The following REDIC1 variants were observed in gnomAD, a reference collection of about 807,000 sequenced individuals.
REDIC1 encodes the protein regulator of DNA class I crossover intermediates 1, also known as HEI10 Interacting Protein 1.
the REDIC1 span, among the ~76,000 whole-genome samples, chr12:39,903,202 C>T: frequency 9.2e-5 from 14 of 152,240 alleles, no homozygotes; most frequent in Non-Finnish European, 1.9e-4. Flanking sequence ...AATATTACAT[C>T]TATCCTATGA....
At chr12:39,662,693 C>T in the REDIC1 span, among the ~76,000 whole-genome samples, 1 of 151,976 alleles carries the variant, frequency 6.6e-6, no homozygotes, top group African/African-American at 2.4e-5. Context: ...GAAAGAGCAT[C>T]TTTGTCTTGT....
At chr12:39,730,950 T>C in the REDIC1 span, among the ~76,000 whole-genome samples, 1 of 152,132 alleles carries the variant, frequency 6.6e-6, no homozygotes, top group Non-Finnish European at 1.5e-5. Context: ...GATTTGGCTA[T>C]TGATACTTGT....
chr12:39,769,807 T>A, the REDIC1 span, among the ~76,000 whole-genome samples: 1 of 152,060 alleles, frequency 6.6e-6, no homozygotes, highest in East Asian at 1.9e-4. Flanking sequence ...CAGAAGTTTA[T>A]ACTCACGAGC....
chr12:39,712,825 A>G, the REDIC1 span, among the ~76,000 whole-genome samples: 2 of 139,456 alleles, frequency 1.4e-5, no homozygotes, highest in African/African-American at 2.6e-5. Flanking sequence ...ACATGTGTGT[A>G]TGTATATACA....
the REDIC1 span, among the ~76,000 whole-genome samples, chr12:39,717,018 G>A: frequency 2.0e-5 from 3 of 151,590 alleles, no homozygotes; most frequent in African/African-American, 7.3e-5. Context: ...AAAGAAAAAT[G>A]TAAATAAAAA....
chr12:39,799,535 G>A, the REDIC1 span, among the ~76,000 whole-genome samples: 2 of 151,740 alleles, frequency 1.3e-5, no homozygotes, highest in South Asian at 4.2e-4. Context: ...TGGCAGAGTA[G>A]AGTAAATCAA....
chr12:39,721,005 C>G, the REDIC1 span: 3 of 1,613,672 alleles, frequency 1.9e-6, no homozygotes, highest in Non-Finnish European at 2.5e-6. Flanking sequence ...AGTTGCAGTG[C>G]AATTCAGCCC....
chr12:39,879,666 G>A, the REDIC1 span, among the ~76,000 whole-genome samples: 2 of 152,148 alleles, frequency 1.3e-5, no homozygotes, highest in Non-Finnish European at 2.9e-5. Flanking sequence ...TACCCCCAGT[G>A]TATCTTGGAA....
the REDIC1 span, among the ~76,000 whole-genome samples, chr12:39,885,140 GC>G: frequency 6.6e-6 from 1 of 152,338 alleles, no homozygotes; most frequent in Admixed American, 6.5e-5. Context: ...TCTGTGCACT[GC>G]AGCTCATGAG....
At chr12:39,642,056 A>G in the REDIC1 span, among the ~76,000 whole-genome samples, 2 of 151,708 alleles carry the variant, frequency 1.3e-5, no homozygotes, top group African/African-American at 4.8e-5. Flanking sequence ...GTTCCTTTTT[A>G]ATGACTGTTT....
the REDIC1 span, among the ~76,000 whole-genome samples, chr12:39,653,538 T>TCTTCTTCTTCTTCTTCTTCTTCTTCTTC: frequency 3.0e-5 from 2 of 66,616 alleles, no homozygotes; most frequent in African/African-American, 9.6e-5. Context: ...TTCTTCTTCT[T>TCTTCTTCTTCTTCTTCTTCTTCTTCTTC]TTTCTTCTTC....
At chr12:39,875,707 T>G in the REDIC1 span, among the ~76,000 whole-genome samples, 3 of 152,176 alleles carry the variant, frequency 2.0e-5, no homozygotes, top group Non-Finnish European at 4.4e-5. Flanking sequence ...GGGCAGGACA[T>G]GATATATTTA....
the REDIC1 span, among the ~76,000 whole-genome samples, chr12:39,642,516 A>C: frequency 6.6e-6 from 1 of 151,606 alleles, no homozygotes; most frequent in African/African-American, 2.4e-5. Flanking sequence ...AGTTGCATTT[A>C]TTTGTGTCAT....
At chr12:39,803,536 T>C in the REDIC1 span, among the ~76,000 whole-genome samples, 1 of 151,978 alleles carries the variant, frequency 6.6e-6, no homozygotes, top group Non-Finnish European at 1.5e-5. Flanking sequence ...AAATGTAACT[T>C]CTTGAAAAAA....
the REDIC1 span, among the ~76,000 whole-genome samples, chr12:39,712,958 CAT>C: frequency 1.0e-5 from 1 of 99,512 alleles, no homozygotes; most frequent in African/African-American, 4.0e-5. Flanking sequence ...TACATATATG[CAT>C]ATACGTGTAT....
the REDIC1 span, among the ~76,000 whole-genome samples, chr12:39,808,329 ATTTG>A: frequency 6.6e-6 from 1 of 151,682 alleles, no homozygotes; most frequent in Non-Finnish European, 1.5e-5. Flanking sequence ...GTGTATCATA[ATTTG>A]TTTATCCACT....
At chr12:39,864,614 T>C in the REDIC1 span, 5 of 1,090,858 alleles carry the variant, frequency 4.6e-6, no homozygotes, top group Admixed American at 5.0e-5. Flanking sequence ...GGGGCCCCTC[T>C]CTACCACCTT....
the REDIC1 span, among the ~76,000 whole-genome samples, chr12:39,630,322 A>C: frequency 6.6e-6 from 1 of 152,186 alleles, no homozygotes; most frequent in Admixed American, 6.5e-5. Flanking sequence ...ATGCAGTATA[A>C]GATTTTTTTA....
the REDIC1 span, among the ~76,000 whole-genome samples, chr12:39,863,621 A>G: frequency 8.3e-4 from 126 of 152,330 alleles, no homozygotes; most frequent in Non-Finnish European, 1.5e-3. Context: ...CAGATGTCCA[A>G]ATAAAGATGC....
Sources: allele counts gnomAD v4.1 joint callset (sites outside exome capture counted in the v4.1 genomes callset), GRCh38; gene constraint gnomAD v4.1.1; transcripts MANE v1.5; gene names NCBI Gene and HGNC (gene_info 2026-07-23, HGNC 2026-07-21).